Variants in PTK2 observed in about 807,000 individuals in gnomAD.
The protein encoded by PTK2 is focal adhesion kinase 1.
A neutral mutation model predicts 150.1 loss-of-function variants in PTK2; 45 were observed. The observed-to-expected ratio is 0.30, with a 90% CI of 0.24 to 0.38. The LOEUF is 0.38. Ranked by LOEUF, PTK2 falls within the 10% of genes least tolerant of loss-of-function variation. PTK2 has a pLI of 1.00. For synonymous variants in PTK2, 432 were observed against 449.2 expected, an observed-to-expected ratio of 0.96 and a Z score of 0.48; for missense variants, 919 against 1,307.3, an observed-to-expected ratio of 0.70 and a Z score of 4.58.
At chr8:140,992,368 G>A (rs1355146876) in intron 1 of PTK2, among the ~76,000 whole-genome samples, 1 of 151,974 alleles carries the variant, frequency 6.6e-6, no homozygotes, top group Non-Finnish European at 1.5e-5. Flanking sequence ...TACTTGGGAG[G>A]CAGAAGCAGG....
chr8:140,808,657 T>C (rs1375916767), intron 10 of PTK2, among the ~76,000 whole-genome samples: 3 of 151,836 alleles, frequency 2.0e-5, no homozygotes, highest in Non-Finnish European at 2.9e-5. Flanking sequence ...ACCCCAGGGC[T>C]ACTTGAAACT....
chr8:140,904,321 C>A (rs975805158), intron 2 of PTK2, among the ~76,000 whole-genome samples: 1 of 152,162 alleles, frequency 6.6e-6, no homozygotes, highest in Admixed American at 6.5e-5. Context: ...GTTTGTTGAA[C>A]AAGCCTTGCA....
intron 16 of PTK2, among the ~76,000 whole-genome samples, chr8:140,756,451 A>G (rs2100065786): frequency 6.6e-6 from 1 of 152,118 alleles, no homozygotes; most frequent in African/African-American, 2.4e-5. Context: ...TAATCCCAGC[A>G]CTTCAGGAGG....
chr8:140,848,599 G>C (rs986065118), intron 5 of PTK2, among the ~76,000 whole-genome samples: 1 of 152,140 alleles, frequency 6.6e-6, no homozygotes, highest in Non-Finnish European at 1.5e-5. Context: ...AACCGGAACT[G>C]AATTAATTCA....
At chr8:140,912,393 C>T (rs1762127038) in intron 2 of PTK2, among the ~76,000 whole-genome samples, 1 of 151,896 alleles carries the variant, frequency 6.6e-6, no homozygotes, top group African/African-American at 2.4e-5. Context: ...ACTCAGGAGG[C>T]TGAGGCAGCA....
intron 2 of PTK2, chr8:140,921,158 A>G (rs1454616953): frequency 1.8e-5 from 22 of 1,214,884 alleles, no homozygotes; most frequent in Admixed American, 4.3e-5. Flanking sequence ...TCCTGGCTAG[A>G]TCAAGCTACT....
intron 14 of PTK2, among the ~76,000 whole-genome samples, chr8:140,768,053 T>C (rs2100073421): frequency 6.6e-6 from 1 of 152,018 alleles, no homozygotes; most frequent in Non-Finnish European, 1.5e-5. Context: ...TGAAGCTAGG[T>C]CTGCATTCTA....
In PTK2 at chr8:140,984,868, G is replaced by A. The variant is rs113758477; in HGVS notation, c.-122+16257C>T. Among the ~76,000 whole-genome samples the A allele has an allele frequency of 1.8e-3, 278 of 152,096 alleles. 4 individuals carry two copies. The highest frequency in any genetic ancestry group is 6.8e-3 in the Middle Eastern group (2 of 294). On this transcript the variant is annotated intron_variant, in intron 1 of 31. Transcript: ENST00000522684. The stretch of plus-strand genomic sequence containing the variant: ...GGAATGACTCCACTCAACATCCCCC[G>A]AGTTCCTTGAAATGTGCCCAGGAAC...
chr8:140,946,598 T>G (rs1457744684), intron 1 of PTK2, among the ~76,000 whole-genome samples: 1 of 152,212 alleles, frequency 6.6e-6, no homozygotes, highest in East Asian at 1.9e-4. Flanking sequence ...CAGGAGCCTG[T>G]GGTTTCCCGC....
Position 140,846,325 on chromosome 8 carries a change from A to G in PTK2, c.531-3T>C. On this transcript the variant is annotated splice_region_variant and splice_polypyrimidine_tract_variant and intron_variant, in intron 6 of 31. Transcript: ENST00000522684. ...CCCGCATCTCCCAGTATGATCGCCT[A>G]AAATCAGGGAAGACATACATTTATA... 6.2e-7 allele frequency: 1 copy of G among 1,611,388 alleles called. No individual in the cohort carries two copies. The highest frequency in any genetic ancestry group is 8.5e-7 in the Non-Finnish European group (1 of 1,178,006).
chr8:140,907,779 G>A (rs2100161571), intron 2 of PTK2, among the ~76,000 whole-genome samples: 1 of 152,044 alleles, frequency 6.6e-6, no homozygotes, highest in Admixed American at 6.6e-5. Flanking sequence ...TGCCACAAAT[G>A]GCACCCACGT....
chr8:140,717,794 AC>A, intron 22 of PTK2, 85 bp from the exon 26 acceptor site: 1 of 1,024,010 alleles, frequency 9.8e-7, no homozygotes. Flanking sequence ...TCTAAGGAAC[AC>A]CAGTTGGCTA....
At chr8:140,873,000 C>A (rs1455400253) in intron 4 of PTK2, among the ~76,000 whole-genome samples, 1 of 152,194 alleles carries the variant, frequency 6.6e-6, no homozygotes, top group African/African-American at 2.4e-5. Context: ...GTAGTTCATT[C>A]ATTTCAACTT....
intron 1 of PTK2, among the ~76,000 whole-genome samples, chr8:140,960,026 A>G (rs1380661903): frequency 2.6e-5 from 4 of 151,864 alleles, no homozygotes; most frequent in Non-Finnish European, 5.9e-5. Flanking sequence ...AAAAGAAAAA[A>G]AAAAAAATCC....
intron 3 of PTK2, among the ~76,000 whole-genome samples, chr8:140,888,586 T>G (rs1242752889): frequency 1.3e-5 from 2 of 152,194 alleles, no homozygotes; most frequent in African/African-American, 4.8e-5. Context: ...TGATGTAAAT[T>G]TTTCTTCACA....
intron 20 of PTK2, among the ~76,000 whole-genome samples, chr8:140,742,730 A>G (rs1236327546): frequency 6.6e-6 from 1 of 152,186 alleles, no homozygotes; most frequent in Non-Finnish European, 1.5e-5. Context: ...CTAAGTTTTA[A>G]GAGTTCCTTT....
chr8:140,920,904 C>A (rs781505844), intron 2 of PTK2: 1 of 1,522,670 alleles, frequency 6.6e-7, no homozygotes, highest in East Asian at 2.5e-5. Flanking sequence ...CCTGCCAGTT[C>A]CAACAACATA....
chr8:140,858,227 A>C (rs549666425), intron 5 of PTK2, among the ~76,000 whole-genome samples: 1 of 152,278 alleles, frequency 6.6e-6, no homozygotes, highest in South Asian at 2.1e-4. Flanking sequence ...AAGAAATTAA[A>C]AACATGAAAA....
Position 140,864,403 on chromosome 8 carries a change from A to C in PTK2, c.363-4T>G, listed in dbSNP as rs2154605948. ...ATAACGAATTCTCAATTCATATCTAAAAATAATTCACAAAACAGAACAATT... is the reference window on the plus strand; with the variant it reads ...ATAACGAATTCTCAATTCATATCTACAAATAATTCACAAAACAGAACAATT... On this transcript the variant is annotated splice_region_variant and splice_polypyrimidine_tract_variant and intron_variant, in intron 4 of 31. Coordinates refer to ENST00000522684, the Ensembl canonical transcript of PTK2. The C allele has an allele frequency of 6.7e-7, 1 of 1,501,676 alleles. No individual in the cohort carries two copies. Among genetic ancestry groups the C allele is most frequent in the East Asian group, 2.3e-5 (1 of 43,690 alleles). The allele number at this position is 1,501,676 out of a possible 1,614,324, so 93.0% of individuals were successfully genotyped here. A position where few individuals can be genotyped will look rare whatever the true frequency, so the allele number is the denominator to read the frequency against.
Sources: gnomAD v4.1 joint callset for allele counts (sites outside exome capture counted in the v4.1 genomes callset) on GRCh38, gnomAD v4.1.1 for gene constraint, MANE v1.5 for transcripts, NCBI Gene and HGNC (gene_info 2026-07-23, HGNC 2026-07-21) for gene names.